The following SEC16B variants were observed in gnomAD, a reference collection of about 807,000 sequenced individuals.
SEC16B encodes SEC16 homolog B, endoplasmic reticulum export factor.
A neutral mutation model predicts 141.8 loss-of-function variants in SEC16B; 115 were observed. The observed-to-expected ratio is 0.81, with a 90% CI of 0.70 to 0.95. The LOEUF is 0.95. Among genes scored for constraint, SEC16B ranks in the 40% least tolerant of loss-of-function variants. The pLI is 0.00. For missense variants in SEC16B, 1,291 were observed against 1,312.3 expected, an observed-to-expected ratio of 0.98 and a Z score of 0.25; for synonymous variants, 493 against 492.5, an observed-to-expected ratio of 1.00 and a Z score of -0.01.
chr1:177,978,538 C>G (rs1459378010), intron 1 of SEC16B, among the ~76,000 whole-genome samples: 1 of 151,816 alleles, frequency 6.6e-6, no homozygotes, highest in African/African-American at 2.4e-5. Context: ...GACCCTGTCT[C>G]TACAAAAAAG....
At chr1:177,968,572 C>T (rs887004981) in intron 1 of SEC16B, among the ~76,000 whole-genome samples, 1 of 152,092 alleles carries the variant, frequency 6.6e-6, no homozygotes, top group African/African-American at 2.4e-5. Context: ...TAAAGATAAC[C>T]TATGCGAAGT....
intron 13 of SEC16B, 131 bp from the exon 14 acceptor site, chr1:177,946,662 G>A: frequency 1.6e-6 from 1 of 644,452 alleles, no homozygotes; most frequent in Non-Finnish European, 2.7e-6. Flanking sequence ...GGGACTAAAT[G>A]AATGAGCCTT....
chr1:177,976,420 G>T (rs1654172639), intron 1 of SEC16B, among the ~76,000 whole-genome samples: 1 of 152,156 alleles, frequency 6.6e-6, no homozygotes, highest in Non-Finnish European at 1.5e-5. Flanking sequence ...AGTGAAGTAG[G>T]ACTGGAATAT....
chr1:177,952,588 A>T (rs1413928655), intron 11 of SEC16B, among the ~76,000 whole-genome samples: 2 of 152,200 alleles, frequency 1.3e-5, no homozygotes, highest in Non-Finnish European at 2.9e-5. Flanking sequence ...AGGATATAAT[A>T]AGCTCTACGG....
intron 14 of SEC16B, 59 bp downstream of exon 14, chr1:177,946,361 G>C: frequency 1.6e-6 from 2 of 1,245,476 alleles, no homozygotes; most frequent in Non-Finnish European, 2.3e-6. Flanking sequence ...AACCCAACAA[G>C]GGCTAAAACA....
intron 15 of SEC16B, among the ~76,000 whole-genome samples, chr1:177,942,658 ACT>A (rs1416940617): frequency 6.6e-6 from 1 of 151,756 alleles, no homozygotes; most frequent in East Asian, 1.9e-4. Flanking sequence ...ACAGAGTGAG[ACT>A]CTGTCTCAAA....
chr1:177,930,635 G>C lies in SEC16B; in HGVS notation c.3021C>G (p.Ser1007=), dbSNP rs1650348318. Residue 1007 remains serine, a synonymous_variant, in exon 25 of 26, where the codon TCC becomes TCG. Transcript: ENST00000308284. ...VGGLSGPESV[S]FELCSNPGVL... ...CACCAGGGTTGGAGCAGAGCTCAAA[G>C]GAAACACTCTGTGATGGAAAAGCAT... The C allele has an allele frequency of 6.2e-7, 1 of 1,613,026 alleles. No individual in the cohort carries two copies. Among genetic ancestry groups the C allele is most frequent in the Non-Finnish European group, 8.5e-7 (1 of 1,179,396 alleles).
At chr1:177,937,577 A>C in intron 18 of SEC16B, 64 bp from the exon 19 acceptor site, 2 of 1,322,900 alleles carry the variant, frequency 1.5e-6, no homozygotes, top group Non-Finnish European at 2.0e-6. Flanking sequence ...TACTGATCAC[A>C]CCAGAAACAT....
In SEC16B at chr1:177,968,052, G is replaced by T. The variant is rs1653695732; in HGVS notation, c.-58-13C>A. The T allele has an allele frequency of 7.0e-7, 1 of 1,419,606 alleles. No homozygotes were observed. Among genetic ancestry groups the T allele is most frequent in the Admixed American group, 2.7e-5 (1 of 37,708 alleles). 87.9% of individuals were successfully genotyped at this position (1,419,606 alleles called of 1,614,324 possible). On this transcript the variant is annotated splice_polypyrimidine_tract_variant and intron_variant, in intron 1 of 25. Coordinates refer to ENST00000308284, the MANE Select transcript of SEC16B (RefSeq NM_033127.4). The stretch of plus-strand genomic sequence containing the variant: ...TTATTTTATCTTCCTGCAGACAAAA[G>T]AAAAAGGAAAAAATCATCACTTGAA...
intron 8 of SEC16B, 128 bp from the exon 9 acceptor site, chr1:177,959,103 G>T (rs979529120): frequency 2.6e-5 from 25 of 980,318 alleles, no homozygotes; most frequent in Non-Finnish European, 3.9e-5. Context: ...GACAAGCCAG[G>T]GCTAAGGTAA....
chr1:177,934,348 A>ATTT (rs1650680542), intron 20 of SEC16B, among the ~76,000 whole-genome samples: 2 of 152,096 alleles, frequency 1.3e-5, no homozygotes, highest in Non-Finnish European at 2.9e-5. Context: ...TATGTCTCTG[A>ATTT]ATTTGCCTAT....
At chr1:177,970,783 C>A (rs3813656), upstream of SEC16B, among the ~76,000 whole-genome samples, 22,028 of 152,192 alleles carry the variant, frequency 0.14, 1,933 homozygotes, top group East Asian at 0.42. Context: ...ATGACTACTT[C>A]TGAATTAATA....
At chr1:177,944,763 G>C (rs1651551554) in intron 14 of SEC16B, 97 bp from the exon 15 acceptor site, 1 of 996,344 alleles carries the variant, frequency 1.0e-6, no homozygotes, top group Non-Finnish European at 1.5e-6. Flanking sequence ...GCCTTTCATG[G>C]GGGAGTTTCC....
intron 24 of SEC16B, 85 bp downstream of exon 24, chr1:177,932,405 G>T: frequency 9.6e-7 from 1 of 1,043,380 alleles, no homozygotes; most frequent in African/African-American, 1.6e-5. Flanking sequence ...TTCGCCAGGA[G>T]TCAGCACTGC....
In SEC16B at chr1:177,961,720, A is replaced by G. The variant is rs200542708; in HGVS notation, c.657T>C (p.Ser219=). The change falls in exon 6 of 26, where the codon AGT becomes AGC. Residue 219 remains serine (S), a synonymous_variant. Coordinates refer to ENST00000308284, the MANE Select transcript of SEC16B (RefSeq NM_033127.4). Reference sequence around the variant, plus strand: ...CACGCTGCTGGAGAAGGTTGGACTCACTAGCCAATGATGGCTGAAAGTTAA... The same window carrying G: ...CACGCTGCTGGAGAAGGTTGGACTCGCTAGCCAATGATGGCTGAAAGTTAA... ...EAQKNKPSLA[S]ESNLLQQRES... 3.3e-4 allele frequency: 530 copies of G among 1,613,816 alleles called. 3 individuals are homozygous for G. In the East Asian group the frequency reaches 4.6e-3, roughly 14 times the overall value.
intron 1 of SEC16B, 137 bp from the exon 2 acceptor site, chr1:177,968,176 G>A: frequency 2.0e-6 from 1 of 492,828 alleles, no homozygotes; most frequent in Non-Finnish European, 3.6e-6. Flanking sequence ...CGGATACAGA[G>A]AAATCTGAGA....
chr1:177,940,375 T>C (rs1651185239), intron 17 of SEC16B, among the ~76,000 whole-genome samples: 1 of 152,098 alleles, frequency 6.6e-6, no homozygotes. Context: ...CACCCCACCG[T>C]GTCACATGCG....
intron 1 of SEC16B, among the ~76,000 whole-genome samples, chr1:177,976,329 A>G (rs1654170612): frequency 6.6e-6 from 1 of 152,186 alleles, no homozygotes; most frequent in Non-Finnish European, 1.5e-5. Flanking sequence ...TATCAAGAAC[A>G]GTGGGTGGCA....
chr1:177,932,522 C>A lies in SEC16B; in HGVS notation c.2980G>T (p.Gly994Cys). 6.4e-7 allele frequency: 1 copy of A among 1,557,130 alleles called. No individual in the cohort carries two copies. Among genetic ancestry groups the A allele is most frequent in the Non-Finnish European group, 8.7e-7 (1 of 1,150,918 alleles). The change falls in exon 24 of 26, where the codon GGC becomes TGC. Residue 994 changes from glycine (G) to cysteine (C), a missense_variant. Coordinates refer to ENST00000308284, the MANE Select transcript of SEC16B (RefSeq NM_033127.4). Reference protein sequence around the residue: ...GSASSGGAAAGAGVGGLSGPE... With the variant: ...GSASSGGAAACAGVGGLSGPE... ...CCAGACAAGCCTCCAACCCCAGCGC[C>A]CGCAGCTGCTCCCCCGCTGGATGCG...
Sources: allele counts gnomAD v4.1 joint callset (sites outside exome capture counted in the v4.1 genomes callset), GRCh38; gene constraint gnomAD v4.1.1; transcripts MANE v1.5; gene names NCBI Gene and HGNC (gene_info 2026-07-23, HGNC 2026-07-21).